The following FREM1 variants were observed in gnomAD, a reference collection of about 807,000 sequenced individuals.
FREM1 encodes FRAS1-related extracellular matrix protein 1.
FREM1 carries 220 observed loss-of-function variants against 210.1 expected under a neutral mutation model. That is an observed-to-expected ratio of 1.05 (90% CI 0.94 to 1.17). FREM1 has a LOEUF of 1.17. Among genes scored for constraint, FREM1 ranks in the 50% most tolerant of loss-of-function variants. FREM1 has a pLI of 0.00. For missense variants in FREM1, 3,454 were observed against 2,675.5 expected, an observed-to-expected ratio of 1.29 and a Z score of -6.42; for synonymous variants, 1,189 against 980.2, an observed-to-expected ratio of 1.21 and a Z score of -3.98.
intron 17 of FREM1, among the ~76,000 whole-genome samples, chr9:14,807,409 C>T (rs1210699056): frequency 2.0e-5 from 3 of 152,034 alleles, no homozygotes; most frequent in Non-Finnish European, 2.9e-5. Context: ...TTGCAAATTA[C>T]AATAACATTC....
At chr9:14,811,372 A>C (rs1819375379) in intron 16 of FREM1, among the ~76,000 whole-genome samples, 1 of 152,158 alleles carries the variant, frequency 6.6e-6, no homozygotes, top group Non-Finnish European at 1.5e-5. Flanking sequence ...CTCACCCCTA[A>C]TTTACCTGTG....
chr9:14,870,145 A>G (rs74444986), intron 1 of FREM1, among the ~76,000 whole-genome samples: 2,855 of 152,348 alleles, frequency 0.019, 72 homozygotes, highest in African/African-American at 0.063. Flanking sequence ...CTTCCATGTT[A>G]ATAATTTCAA....
At chr9:14,746,852 G>T (rs919419142) in intron 34 of FREM1, 71 bp downstream of exon 34, 27 of 1,516,214 alleles carry the variant, frequency 1.8e-5, no homozygotes, top group Non-Finnish European at 2.4e-5. Context: ...GCACCAGATG[G>T]TTCCCCTCTA....
chr9:14,753,322 T>G (rs935668280), intron 29 of FREM1, among the ~76,000 whole-genome samples: 1 of 152,218 alleles, frequency 6.6e-6, no homozygotes, highest in Non-Finnish European at 1.5e-5. Context: ...AATGCCACAT[T>G]AGAGATCTGT....
intron 2 of FREM1, among the ~76,000 whole-genome samples, chr9:14,864,912 C>T (rs567582300): frequency 5.5e-4 from 83 of 152,166 alleles, no homozygotes; most frequent in Non-Finnish European, 8.7e-4. Flanking sequence ...AAGCAAAGAC[C>T]TTCCCCATAT....
At chr9:14,810,259 C>A (rs1449559846) in intron 16 of FREM1, among the ~76,000 whole-genome samples, 1 of 151,956 alleles carries the variant, frequency 6.6e-6, no homozygotes, top group African/African-American at 2.4e-5. Flanking sequence ...ACAGAGAAGG[C>A]AAATTGCAAA....
At chr9:14,902,215 C>T (rs1329542319) in intron 1 of FREM1, among the ~76,000 whole-genome samples, 6 of 152,174 alleles carry the variant, frequency 3.9e-5, no homozygotes, top group Admixed American at 2.6e-4. Flanking sequence ...AGTCTTAATG[C>T]CAGATCTCTC....
intron 10 of FREM1, among the ~76,000 whole-genome samples, chr9:14,835,772 A>G (rs958500900): frequency 1.3e-5 from 2 of 152,240 alleles, no homozygotes; most frequent in African/African-American, 4.8e-5. Context: ...CTTTATGCAA[A>G]TAATCAGGCC....
chr9:14,737,532 G>T lies in FREM1; in HGVS notation c.6404C>A (p.Thr2135Asn). The T allele has an allele frequency of 6.2e-7, 1 of 1,611,106 alleles. No individual in the cohort carries two copies. Among genetic ancestry groups the T allele is most frequent in the Non-Finnish European group, 8.5e-7 (1 of 1,178,378 alleles). ...TTGAGAGGGCCCTCTTCTCCCATTG[G>T]TGAAGGCAACAGGTTCACCACCGAT... ...EWIGGEPVAF[T>N]NGRRGPSQRS... Residue 2135 changes from threonine to asparagine, a missense_variant, in exon 37 of 37, where the codon ACC becomes AAC. Coordinates refer to ENST00000380880, the MANE Select transcript of FREM1 (RefSeq NM_001379081.2).
At chr9:14,807,075 A>G (rs1252284542) in intron 17 of FREM1, among the ~76,000 whole-genome samples, 1 of 152,186 alleles carries the variant, frequency 6.6e-6, no homozygotes, top group Non-Finnish European at 1.5e-5. Flanking sequence ...TTTCTTGTCC[A>G]GGCAAGTCAG....
intron 22 of FREM1, among the ~76,000 whole-genome samples, chr9:14,791,465 T>C (rs891629724): frequency 2.0e-5 from 3 of 152,162 alleles, no homozygotes; most frequent in East Asian, 3.9e-4. Flanking sequence ...AATTTGGCAG[T>C]TGTTAAAATC....
chr9:14,756,311 A>T, intron 29 of FREM1, 63 bp downstream of exon 29: 1 of 1,154,688 alleles, frequency 8.7e-7, no homozygotes, highest in Non-Finnish European at 1.2e-6. Flanking sequence ...CAATCTCCAG[A>T]CATGCCTACA....
At chr9:14,789,223 TCA>T in intron 22 of FREM1, 109 bp from the exon 23 acceptor site, 3 of 648,788 alleles carry the variant, frequency 4.6e-6, no homozygotes, top group Non-Finnish European at 7.1e-6. Context: ...AAATAATATT[TCA>T]GGGAAATTCC....
chr9:14,804,351 C>T (rs1817943452), intron 19 of FREM1, among the ~76,000 whole-genome samples: 1 of 152,084 alleles, frequency 6.6e-6, no homozygotes. Context: ...TTTGGAAGGC[C>T]GAGGCGGGCG....
At position 14,824,776 on chromosome 9, in the gene FREM1, A is replaced by C; in HGVS notation, c.2078+20T>G. On this transcript the variant is annotated intron_variant, in intron 11 of 36. Transcript: ENST00000380880. ...TTGCAATCCTAGAACTAGTAGCCCAAATGGTGACTTTTCAGATACCTGTGG... is the reference window on the plus strand; with the variant it reads ...TTGCAATCCTAGAACTAGTAGCCCACATGGTGACTTTTCAGATACCTGTGG... 1 of 1,582,624 alleles carries C rather than the reference A, an allele frequency of 6.3e-7. No homozygotes were observed. Among genetic ancestry groups the C allele is most frequent in the Non-Finnish European group, 8.6e-7 (1 of 1,157,148 alleles).
chr9:14,860,646 C>CACACAT (rs1228642664), intron 3 of FREM1, among the ~76,000 whole-genome samples: 18 of 136,920 alleles, frequency 1.3e-4, no homozygotes, highest in African/African-American at 2.7e-4. Flanking sequence ...CACATGTATA[C>CACACAT]ATATATACAC....
In FREM1 at chr9:14,851,634, G is replaced by A. The variant is rs200201229; in HGVS notation, c.829-27C>T. On this transcript the variant is annotated intron_variant, in intron 5 of 36. Coordinates refer to ENST00000380880, the MANE Select transcript of FREM1 (RefSeq NM_001379081.2). ...TTTTGAAGGATAGAGAAAATATAAA[G>A]GAGGAAATAATATGAATGAGGTGAT... The A allele has an allele frequency of 2.8e-3, 4,284 of 1,516,148 alleles. 15 individuals carry two copies. Among genetic ancestry groups the A allele is most frequent in the Non-Finnish European group, 3.2e-3 (3,536 of 1,091,232 alleles). 93.9% of individuals were successfully genotyped at this position (1,516,148 alleles called of 1,614,324 possible).
At position 14,770,819 on chromosome 9, in the gene FREM1, C is replaced by T. The variant is rs759458155; in HGVS notation, c.4858-13G>A. 2 of 1,600,078 alleles carry T rather than the reference C, an allele frequency of 1.2e-6. No individual in the cohort carries two copies. Among genetic ancestry groups the T allele is most frequent in the Non-Finnish European group, 1.7e-6 (2 of 1,170,834 alleles). On this transcript the variant is annotated splice_polypyrimidine_tract_variant and intron_variant, in intron 25 of 36. Transcript: ENST00000380880. ...CCAATTGGTCTACCTGGATCATCAACAATGACATAAAATGTTGTCCAAAGG... is the reference window on the plus strand; with the variant it reads ...CCAATTGGTCTACCTGGATCATCAATAATGACATAAAATGTTGTCCAAAGG...
intron 23 of FREM1, among the ~76,000 whole-genome samples, chr9:14,787,664 TAA>T (rs1348992215): frequency 2.6e-5 from 4 of 152,174 alleles, no homozygotes; most frequent in African/African-American, 7.2e-5. Flanking sequence ...TGTCTAGATA[TAA>T]AGAGTCCCTA....
Sources: allele counts gnomAD v4.1 joint callset (sites outside exome capture counted in the v4.1 genomes callset), GRCh38; gene constraint gnomAD v4.1.1; transcripts MANE v1.5; gene names NCBI Gene and HGNC (gene_info 2026-07-23, HGNC 2026-07-21).